The following ZNF804B variants were observed in gnomAD, a reference collection of about 807,000 sequenced individuals.
The protein encoded by ZNF804B is zinc finger protein 804B, also known as zinc finger 804B.
A neutral mutation model predicts 101.4 loss-of-function variants in ZNF804B; 80 were observed. The observed-to-expected ratio is 0.79, with a 90% CI of 0.66 to 0.95. The LOEUF (loss-of-function observed/expected upper bound fraction) is 0.95. ZNF804B is among the 40% of genes least tolerant of loss of function. The pLI, the probability that ZNF804B is intolerant of heterozygous loss-of-function variation, is 0.00. For missense variants in ZNF804B, 1,673 were observed against 1,561.9 expected (o/e 1.07, Z -1.20); for synonymous variants, 622 against 558.8 (o/e 1.11, Z -1.59).
intron 1 of ZNF804B, among the ~76,000 whole-genome samples, chr7:89,142,322 GTTT>G (rs1045503430): frequency 6.7e-5 from 10 of 149,664 alleles, no homozygotes; most frequent in Admixed American, 6.0e-4. Context: ...TGTTGTTGTT[GTTT>G]GTTTTTGCTA....
At chr7:89,167,672 A>T (rs1357440372) in intron 1 of ZNF804B, among the ~76,000 whole-genome samples, 1 of 152,134 alleles carries the variant, frequency 6.6e-6, no homozygotes, top group East Asian at 1.9e-4. Context: ...TAAAAGAAAA[A>T]TACTGCAGTA....
intron 2 of ZNF804B, among the ~76,000 whole-genome samples, chr7:89,236,465 G>C (rs780643879): frequency 2.6e-5 from 4 of 152,068 alleles, no homozygotes; most frequent in Non-Finnish European, 5.9e-5. Context: ...GGACAGCAAA[G>C]TTCCATTCAT....
At position 88,785,858 on chromosome 7, in the gene ZNF804B, T is replaced by C. The variant is rs10265705; in HGVS notation, c.108+25774T>C. 2.1e-3 allele frequency among the ~76,000 whole-genome samples: 324 copies of C among 152,288 alleles called. 2 individuals are homozygous for C. The highest frequency in any genetic ancestry group is 7.6e-3 in the African/African-American group (314 of 41,578). ...TAATTGGCTTACTTCTATTTAACTT[T>C]CAGAAATCCCTGTGTCTTTGTTCTC... On this transcript the variant is annotated intron_variant, in intron 1 of 3. Transcript: ENST00000333190.
intron 3 of ZNF804B, among the ~76,000 whole-genome samples, chr7:89,330,074 A>G (rs902643443): frequency 6.6e-6 from 1 of 151,552 alleles, no homozygotes; most frequent in African/African-American, 2.4e-5. Context: ...AACTCTACAG[A>G]CACTTTATTA....
At chr7:88,855,054 A>G (rs2115841082) in intron 1 of ZNF804B, among the ~76,000 whole-genome samples, 1 of 152,122 alleles carries the variant, frequency 6.6e-6, no homozygotes, top group Non-Finnish European at 1.5e-5. Flanking sequence ...GAATAGTGCC[A>G]CAATAAACAT....
intron 1 of ZNF804B, among the ~76,000 whole-genome samples, chr7:89,112,900 T>C (rs1359313526): frequency 1.3e-5 from 2 of 152,190 alleles, no homozygotes; most frequent in African/African-American, 4.8e-5. Context: ...ATATTTAGAA[T>C]TTGAATTGCC....
chr7:89,224,759 T>TGTGTGTGTGTGA (rs1789060327), intron 2 of ZNF804B, among the ~76,000 whole-genome samples: 2 of 40,888 alleles, frequency 4.9e-5, no homozygotes, highest in African/African-American at 1.2e-4. Context: ...TGTATGAGTG[T>TGTGTGTGTGTGA]GTGTGTGTGT....
intron 1 of ZNF804B, among the ~76,000 whole-genome samples, chr7:89,200,422 C>G (rs556666856): frequency 1.3e-5 from 2 of 152,064 alleles, no homozygotes; most frequent in African/African-American, 4.8e-5. Context: ...CAGCTGAGAT[C>G]ATAAATCTCC....
intron 2 of ZNF804B, among the ~76,000 whole-genome samples, chr7:89,279,856 G>T (rs1003499908): frequency 6.6e-6 from 1 of 152,020 alleles, no homozygotes; most frequent in African/African-American, 2.4e-5. Context: ...TCAGGGTGAT[G>T]CGGGCCTCAT....
At position 89,337,060 on chromosome 7, in the gene ZNF804B, ATTTT is replaced by A; in HGVS notation, c.*32_*35del. ...AGTGTTAAAGCCCCTCCTGTGGATA[ATTTT>A]TTTAATTGTCACTACCTATAAAATC... On this transcript the variant is annotated 3_prime_UTR_variant, in exon 4 of 4. Transcript: ENST00000333190. 2 of 1,571,272 alleles carry A rather than the reference ATTTT, an allele frequency of 1.3e-6. No individual in the cohort carries two copies. The highest frequency in any genetic ancestry group is 1.7e-6 in the Non-Finnish European group (2 of 1,157,866).
intron 1 of ZNF804B, among the ~76,000 whole-genome samples, chr7:89,122,395 G>T (rs116877203): frequency 6.6e-6 from 1 of 152,086 alleles, no homozygotes; most frequent in Non-Finnish European, 1.5e-5. Flanking sequence ...AATTTATATC[G>T]TCCAAAGATT....
chr7:88,774,262 T>A (rs895064433), intron 1 of ZNF804B, among the ~76,000 whole-genome samples: 3 of 151,464 alleles, frequency 2.0e-5, no homozygotes, highest in Non-Finnish European at 4.4e-5. Context: ...CGAAGGGGAT[T>A]ACAGCAATTG....
chr7:89,058,742 G>A (rs1203643372), intron 1 of ZNF804B, among the ~76,000 whole-genome samples: 2 of 152,092 alleles, frequency 1.3e-5, no homozygotes, highest in Non-Finnish European at 2.9e-5. Flanking sequence ...TTGTCCATCT[G>A]GAGTGCAGTG....
Position 89,333,593 on chromosome 7 carries a change from T to C in ZNF804B, c.611T>C (p.Leu204Pro). Residue 204 changes from leucine to proline, a missense_variant, in exon 4 of 4, where the codon CTG becomes CCG. Physicochemically the swap from Leu to Pro is moderately conservative, Grantham distance 98. Coordinates refer to ENST00000333190, the MANE Select transcript of ZNF804B (RefSeq NM_181646.5). The part of the protein sequence containing the change: ...DRRCLFGNQV[L>P]QTSSDLSNAN... The stretch of plus-strand genomic sequence containing the variant: ...CGTTGTTTGTTTGGAAATCAGGTAC[T>C]GCAAACATCTTCAGATCTCAGCAAT... 5.0e-6 allele frequency: 8 copies of C among 1,613,626 alleles called. No individual in the cohort carries two copies. Among genetic ancestry groups the C allele is most frequent in the Non-Finnish European group, 6.8e-6 (8 of 1,179,718 alleles).
At chr7:88,973,443 G>A (rs796990309) in intron 1 of ZNF804B, among the ~76,000 whole-genome samples, 14 of 151,384 alleles carry the variant, frequency 9.2e-5, no homozygotes, top group African/African-American at 2.9e-4. Flanking sequence ...AATCTGAAGT[G>A]TGATGTGTTT....
At chr7:88,834,246 C>T (rs186210481) in intron 1 of ZNF804B, among the ~76,000 whole-genome samples, 26 of 151,808 alleles carry the variant, frequency 1.7e-4, no homozygotes, top group Middle Eastern at 6.8e-3. Context: ...TAATAATATA[C>T]GAATGACATG....
At chr7:89,089,854 T>G (rs978781859) in intron 1 of ZNF804B, among the ~76,000 whole-genome samples, 1 of 152,116 alleles carries the variant, frequency 6.6e-6, no homozygotes, top group Admixed American at 6.6e-5. Context: ...TCAATAATTC[T>G]CAGCTACACA....
chr7:88,806,565 T>C (rs1790696062), intron 1 of ZNF804B, among the ~76,000 whole-genome samples: 1 of 152,008 alleles, frequency 6.6e-6, no homozygotes. Flanking sequence ...CTTCTCAAAA[T>C]AATGCATCTA....
intron 1 of ZNF804B, among the ~76,000 whole-genome samples, chr7:89,216,000 G>GA (rs1333874972): frequency 6.6e-6 from 1 of 152,016 alleles, no homozygotes; most frequent in Non-Finnish European, 1.5e-5. Context: ...GAAAGGACAT[G>GA]AAAAATAAAT....
Sources: gnomAD v4.1 joint callset for allele counts (sites outside exome capture counted in the v4.1 genomes callset) on GRCh38, gnomAD v4.1.1 for gene constraint, MANE v1.5 for transcripts, NCBI Gene and HGNC (gene_info 2026-07-23, HGNC 2026-07-21) for gene names.